Variants in RBL1 observed in about 807,000 individuals in gnomAD.
The protein encoded by RBL1 is RB transcriptional corepressor like 1, also known as retinoblastoma-like protein 1.
A neutral mutation model predicts 123.0 loss-of-function variants in RBL1; 82 were observed. The ratio of observed to expected loss-of-function variants is 0.67; its 90% CI spans 0.56 to 0.80. The LOEUF (loss-of-function observed/expected upper bound fraction) is 0.80, where lower values mean the gene tolerates loss of function less well. Among genes scored for constraint, RBL1 ranks in the 30% least tolerant of loss-of-function variants. The pLI is 0.00. For synonymous variants in RBL1, 405 were observed against 441.3 expected (o/e 0.92, Z 1.03); for missense variants, 1,171 against 1,299.6 (o/e 0.90, Z 1.52).
At chr20:37,040,575 A>G (rs1473092368) in intron 13 of RBL1, among the ~76,000 whole-genome samples, 2 of 152,098 alleles carry the variant, frequency 1.3e-5, no homozygotes, top group Non-Finnish European at 2.9e-5. Flanking sequence ...CTGATCTCGA[A>G]TTCCTGACCT....
intron 16 of RBL1, among the ~76,000 whole-genome samples, chr20:37,030,854 CA>C (rs111256421): frequency 0.018 from 1,795 of 101,850 alleles, 31 homozygotes; most frequent in African/African-American, 0.062. Flanking sequence ...GACTCTGTCT[CA>C]AAAAAAAAAA....
At chr20:37,011,168 G>A (rs1045119400) in intron 19 of RBL1, among the ~76,000 whole-genome samples, 1 of 152,124 alleles carries the variant, frequency 6.6e-6, no homozygotes, top group Non-Finnish European at 1.5e-5. Flanking sequence ...AGGAAGCAAT[G>A]TAAAGTTTTC....
At chr20:37,068,925 T>A (rs1215918507) in intron 2 of RBL1, among the ~76,000 whole-genome samples, 3 of 152,232 alleles carry the variant, frequency 2.0e-5, no homozygotes, top group Non-Finnish European at 1.5e-5. Flanking sequence ...ACTGCTGCCA[T>A]CTCGGCTCAC....
At position 37,021,176 on chromosome 20, in the gene RBL1, T is replaced by C. The variant is rs2064334926; in HGVS notation, c.2560-446A>G. Among the ~76,000 whole-genome samples the C allele has an allele frequency of 2.6e-5, 4 of 152,336 alleles. No homozygotes were observed. The South Asian group carries it at 8.3e-4, about 32-fold the overall frequency. The stretch of plus-strand genomic sequence containing the variant: ...TATTACAGGATTAGGTTTTAACATT[T>C]CAGGACAGACTGTAGGGTTTCTAAT... On this transcript the variant is annotated intron_variant, in intron 17 of 21. Transcript: ENST00000373664.
chr20:37,068,369 G>A (rs2065217833), intron 2 of RBL1, among the ~76,000 whole-genome samples, 183 bp from the exon 3 acceptor site: 1 of 152,162 alleles, frequency 6.6e-6, no homozygotes, highest in Admixed American at 6.6e-5. Flanking sequence ...GCATGTGCCT[G>A]TAGCCCCAGG....
intron 19 of RBL1, among the ~76,000 whole-genome samples, chr20:37,013,451 C>CG (rs1555849015): frequency 2.0e-5 from 3 of 151,554 alleles, no homozygotes; most frequent in Admixed American, 6.6e-5. Context: ...ACAAACACTG[C>CG]GGAAGGCCGC....
intron 20 of RBL1, among the ~76,000 whole-genome samples, chr20:37,004,608 G>C (rs1218074661): frequency 6.6e-6 from 1 of 150,614 alleles, no homozygotes; most frequent in Non-Finnish European, 1.5e-5. Flanking sequence ...AGCTATTTGG[G>C]AGGCTGAGGC....
intron 18 of RBL1, among the ~76,000 whole-genome samples, chr20:37,018,753 A>C (rs765595530): frequency 1.2e-4 from 19 of 152,152 alleles, no homozygotes; most frequent in Non-Finnish European, 2.6e-4. Context: ...GGCGTTCAAG[A>C]CCAGCTGGCC....
At chr20:37,008,237 G>A (rs1034713405) in intron 19 of RBL1, among the ~76,000 whole-genome samples, 1 of 152,198 alleles carries the variant, frequency 6.6e-6, no homozygotes, top group Admixed American at 6.5e-5. Flanking sequence ...TAAAAGGCCT[G>A]CAGATATTCT....
At chr20:37,019,918 A>C (rs924211490) in intron 18 of RBL1, among the ~76,000 whole-genome samples, 4 of 152,204 alleles carry the variant, frequency 2.6e-5, no homozygotes, top group African/African-American at 9.6e-5. Flanking sequence ...CGGTCAGAAC[A>C]ATATAATCAG....
chr20:37,013,590 A>AG (rs1158502406), intron 19 of RBL1, among the ~76,000 whole-genome samples: 3 of 151,542 alleles, frequency 2.0e-5, no homozygotes, highest in African/African-American at 7.3e-5. Context: ...ATCAATAAAA[A>AG]AAAAAAAAAA....
At position 37,068,020 on chromosome 20, in the gene RBL1, C is replaced by A; in HGVS notation, c.457G>T (p.Glu153Ter). The change falls in exon 3 of 22, where the codon GAA becomes TAA. Residue 153 changes from glutamate (E) to a stop codon, truncating the protein, a stop_gained. Coordinates refer to ENST00000373664, the MANE Select transcript of RBL1 (RefSeq NM_002895.5). LOFTEE classifies it high-confidence loss of function. ...CGGCTTCGTGGTAACTTTGGTGGTT[C>A]TTCATATGGATTTTGAAATATATCT... ...FLDIFQNPYE[E>*]PPKLPRSRKQ... 6.2e-7 allele frequency: 1 copy of A among 1,613,434 alleles called. No homozygotes were observed. Among genetic ancestry groups the A allele is most frequent in the Non-Finnish European group, 8.5e-7 (1 of 1,179,904 alleles).
At chr20:37,035,039 G>A (rs2064582263) in intron 15 of RBL1, among the ~76,000 whole-genome samples, 1 of 151,764 alleles carries the variant, frequency 6.6e-6, no homozygotes, top group Non-Finnish European at 1.5e-5. Flanking sequence ...TGGGGAAGGG[G>A]GACTATGAGA....
chr20:37,023,405 G>A (rs997150797), intron 16 of RBL1, among the ~76,000 whole-genome samples: 3 of 152,162 alleles, frequency 2.0e-5, no homozygotes, highest in African/African-American at 7.2e-5. Context: ...TTACAGGTGT[G>A]AGCCACTGTG....
intron 21 of RBL1, among the ~76,000 whole-genome samples, chr20:37,002,554 T>C (rs931411745): frequency 1.3e-5 from 2 of 151,330 alleles, no homozygotes; most frequent in African/African-American, 4.9e-5. Flanking sequence ...TTGGCCAGGC[T>C]GGTCTTGAAC....
At position 36,999,425 on chromosome 20, in the gene RBL1, TCTCCCTCCTCTCCCTCTCCCTCCTCTCC is replaced by T. The variant is rs1290209324; in HGVS notation, c.3037-524_3037-497del. On this transcript the variant is annotated intron_variant, in intron 21 of 21. Coordinates refer to ENST00000373664, the MANE Select transcript of RBL1 (RefSeq NM_002895.5). ...CAAGAATAGAAAAATAAGCTTCCCG[TCTCCCTCCTCTCCCTCTCCCTCCTCTCC>T]CTCCCTCCTCTCCCTCTCCCTCCTC... 2.3e-4 allele frequency among the ~76,000 whole-genome samples: 34 copies of T among 146,450 alleles called. No homozygotes were observed. In the East Asian group the frequency reaches 3.4e-3, roughly 15 times the overall value.
At chr20:37,000,242 G>T (rs1401505764) in intron 21 of RBL1, among the ~76,000 whole-genome samples, 1 of 147,520 alleles carries the variant, frequency 6.8e-6, no homozygotes, top group African/African-American at 2.5e-5. Context: ...GAAGTGAGGA[G>T]CCCCTCCGCC....
chr20:37,005,209 C>G (rs2064051042), intron 20 of RBL1, among the ~76,000 whole-genome samples: 1 of 151,970 alleles, frequency 6.6e-6, no homozygotes. Flanking sequence ...GAGTTCAAGA[C>G]CAGCCTGGCC....
intron 19 of RBL1, among the ~76,000 whole-genome samples, chr20:37,014,536 C>G (rs551932884): frequency 3.9e-5 from 6 of 152,262 alleles, no homozygotes; most frequent in African/African-American, 1.4e-4. Context: ...CGGTGACTCA[C>G]GCCTGTAATC....
Sources: allele counts gnomAD v4.1 joint callset (sites outside exome capture counted in the v4.1 genomes callset), GRCh38; gene constraint gnomAD v4.1.1; transcripts MANE v1.5; gene names NCBI Gene and HGNC (gene_info 2026-07-23, HGNC 2026-07-21).